SYK: variants seen among roughly 807,000 people sequenced by gnomAD.
SYK encodes the protein spleen associated tyrosine kinase.
SYK carries 16 observed loss-of-function variants against 77.8 expected under a neutral mutation model. That is an observed-to-expected ratio of 0.21 (90% CI 0.14 to 0.31). SYK has a LOEUF of 0.31. Among genes scored for constraint, SYK ranks in the 10% least tolerant of loss-of-function variants. SYK has a pLI of 1.00. For synonymous variants in SYK, 312 were observed against 308.7 expected (o/e 1.01, Z -0.11); for missense variants, 529 against 814.4 (o/e 0.65, Z 4.26).
chr9:90,861,897 C>A (rs1238134596), intron 3 of SYK, among the ~76,000 whole-genome samples: 1 of 152,228 alleles, frequency 6.6e-6, no homozygotes, highest in Admixed American at 6.5e-5. Context: ...GAGCACCAGG[C>A]TCTCCTGACC....
intron 1 of SYK, among the ~76,000 whole-genome samples, chr9:90,842,758 AGTGTGT>A (rs60139969): frequency 4.0e-3 from 231 of 58,378 alleles, no homozygotes; most frequent in East Asian, 0.011. Context: ...GTATGGAGAG[AGTGTGT>A]GTGTGTGTGT....
chr9:90,867,266 C>A (rs776671388), intron 7 of SYK, 67 bp downstream of exon 7: 4 of 1,513,596 alleles, frequency 2.6e-6, no homozygotes, highest in Non-Finnish European at 3.7e-6. Context: ...AGCTCCCGCC[C>A]GCCCAGTCTG....
At position 90,898,347 on chromosome 9, in the gene SYK, C is replaced by A. The variant is rs1332435531; in HGVS notation, c.*2747C>A. 4.4e-6 allele frequency: 1 copy of A among 228,562 alleles called. No homozygotes were observed. The highest frequency in any genetic ancestry group is 8.7e-6 in the Non-Finnish European group (1 of 115,166). 14.2% of individuals were successfully genotyped at this position (228,562 alleles called of 1,614,324 possible). A position where few individuals can be genotyped will look rare whatever the true frequency, so the allele number is the denominator to read the frequency against. Reference sequence around the variant, plus strand: ...CTGTAGCTGCTGTATGGTGATTGCACTTGGACATCAGTCCAATGACTGCAA... The same window carrying A: ...CTGTAGCTGCTGTATGGTGATTGCAATTGGACATCAGTCCAATGACTGCAA... On this transcript the variant is annotated 3_prime_UTR_variant, in exon 14 of 14. Coordinates refer to ENST00000375754, the MANE Select transcript of SYK (RefSeq NM_003177.7).
chr9:90,874,860 A>C lies in SYK; in HGVS notation c.1181+11A>C, dbSNP rs751742174. The C allele has an allele frequency of 1.9e-6, 3 of 1,613,564 alleles. No homozygotes were observed. The highest frequency in any genetic ancestry group is 1.7e-5 in the Admixed American group (1 of 59,980). On this transcript the variant is annotated intron_variant, in intron 9 of 13. Coordinates refer to ENST00000375754, the MANE Select transcript of SYK (RefSeq NM_003177.7). ...CTACCAAATGAAAAAGTAAGTTGCT[A>C]TGTTCCACCAGCCTCACCCTCACAT... is the stretch of plus-strand genomic sequence containing the variant.
intron 3 of SYK, among the ~76,000 whole-genome samples, chr9:90,856,072 CT>C (rs1278406738): frequency 6.6e-6 from 1 of 152,194 alleles, no homozygotes; most frequent in Non-Finnish European, 1.5e-5. Context: ...TTTCTAGAAA[CT>C]TAAGTTAGAT....
intron 13 of SYK, among the ~76,000 whole-genome samples, chr9:90,890,305 G>A (rs560634884): frequency 5.9e-5 from 9 of 152,314 alleles, no homozygotes; most frequent in Middle Eastern, 3.4e-3. Flanking sequence ...CTGCTGGGCC[G>A]ACCTCTGTCC....
At chr9:90,876,658 T>A (rs895771157) in intron 9 of SYK, among the ~76,000 whole-genome samples, 1 of 152,230 alleles carries the variant, frequency 6.6e-6, no homozygotes, top group African/African-American at 2.4e-5. Flanking sequence ...TAATTTCAAC[T>A]AGAGAATTTG....
intron 1 of SYK, among the ~76,000 whole-genome samples, chr9:90,825,192 A>G (rs552719198): frequency 4.6e-4 from 70 of 152,296 alleles, no homozygotes; most frequent in African/African-American, 1.6e-3. Context: ...TATGCAGAAA[A>G]CTACAAAATA....
intron 3 of SYK, among the ~76,000 whole-genome samples, chr9:90,861,259 G>A (rs1367176257): frequency 6.6e-6 from 1 of 152,136 alleles, no homozygotes; most frequent in African/African-American, 2.4e-5. Context: ...CAGTGGGGGT[G>A]TTGTTCCCTG....
At chr9:90,817,169 T>C (rs1825320204) in intron 1 of SYK, among the ~76,000 whole-genome samples, 1 of 152,212 alleles carries the variant, frequency 6.6e-6, no homozygotes, top group Non-Finnish European at 1.5e-5. Context: ...CTTCTTCCAG[T>C]GTGGCCCAGG....
intron 3 of SYK, among the ~76,000 whole-genome samples, chr9:90,851,063 A>G (rs752352226): frequency 6.6e-6 from 1 of 152,142 alleles, no homozygotes; most frequent in South Asian, 2.1e-4. Flanking sequence ...TAAGGGGGCT[A>G]AACTTATTGT....
chr9:90,881,114 G>A (rs1220149719), intron 11 of SYK, among the ~76,000 whole-genome samples: 1 of 152,200 alleles, frequency 6.6e-6, no homozygotes. Context: ...CAAAGGATGG[G>A]ATAGATAGAA....
chr9:90,805,256 G>A (rs974887089), intron 1 of SYK, among the ~76,000 whole-genome samples: 1 of 152,176 alleles, frequency 6.6e-6, no homozygotes, highest in African/African-American at 2.4e-5. Context: ...GAGCTTTCTG[G>A]TCCTCTGCTC....
chr9:90,893,276 G>A (rs933014187), intron 13 of SYK, among the ~76,000 whole-genome samples: 58 of 152,210 alleles, frequency 3.8e-4, no homozygotes, highest in African/African-American at 1.3e-3. Context: ...AAGCCCTCTC[G>A]TGTCGAAGTA....
chr9:90,845,343 T>C, intron 2 of SYK, 91 bp from the exon 3 acceptor site: 1 of 1,395,044 alleles, frequency 7.2e-7, no homozygotes, highest in African/African-American at 1.4e-5. Flanking sequence ...TGTTTTACCA[T>C]GCCAGGACTC....
intron 3 of SYK, among the ~76,000 whole-genome samples, chr9:90,855,576 ACTGT>A (rs1826995976): frequency 6.6e-6 from 1 of 151,958 alleles, no homozygotes; most frequent in Non-Finnish European, 1.5e-5. Context: ...ACTTCTCTGG[ACTGT>A]CTATTCTTAT....
intron 9 of SYK, 51 bp from the exon 10 acceptor site, chr9:90,877,520 A>G (rs1827986179): frequency 1.3e-6 from 2 of 1,585,378 alleles, no homozygotes; most frequent in Non-Finnish European, 1.7e-6. Flanking sequence ...AAGATTATCT[A>G]GAAGTGAGGC....
chr9:90,864,542 T>C, intron 4 of SYK, 47 bp from the exon 5 acceptor site: 1 of 1,536,600 alleles, frequency 6.5e-7, no homozygotes, highest in Non-Finnish European at 9.0e-7. Flanking sequence ...TATTTGTCTA[T>C]TTCCTGACCT....
chr9:90,832,494 G>A (rs920888340), intron 1 of SYK, among the ~76,000 whole-genome samples: 1 of 152,172 alleles, frequency 6.6e-6, no homozygotes, highest in Non-Finnish European at 1.5e-5. Context: ...GGTAAACGTG[G>A]ACATGAAAGA....
Sources: gnomAD v4.1 joint callset for allele counts (sites outside exome capture counted in the v4.1 genomes callset) on GRCh38, gnomAD v4.1.1 for gene constraint, MANE v1.5 for transcripts, NCBI Gene and HGNC (gene_info 2026-07-23, HGNC 2026-07-21) for gene names.